Variants in FBXL17 observed in about 807,000 individuals in gnomAD.
FBXL17 encodes the protein F-box/LRR-repeat protein 17.
Under a neutral mutation model 66.2 loss-of-function variants are expected in FBXL17, and 22 were observed. That is an observed-to-expected ratio of 0.33 (90% CI 0.24 to 0.47). The LOEUF (loss-of-function observed/expected upper bound fraction) is 0.47, where lower values mean the gene tolerates loss of function less well. FBXL17 is among the 20% of genes least tolerant of loss of function. The pLI, the probability that FBXL17 is intolerant of heterozygous loss-of-function variation, is 1.00. For synonymous variants in FBXL17, 474 were observed against 400.5 expected, an observed-to-expected ratio of 1.18 and a Z score of -2.19; for missense variants, 878 against 948.2, an observed-to-expected ratio of 0.93 and a Z score of 0.97.
chr5:108,242,847 T>C (rs1028153193), intron 4 of FBXL17, among the ~76,000 whole-genome samples: 21 of 152,178 alleles, frequency 1.4e-4, no homozygotes, highest in African/African-American at 5.1e-4. Context: ...AAAATGTTCA[T>C]GTGAAACTTA....
intron 5 of FBXL17, among the ~76,000 whole-genome samples, chr5:108,210,841 G>A (rs1292584225): frequency 6.6e-6 from 1 of 152,166 alleles, no homozygotes; most frequent in Non-Finnish European, 1.5e-5. Flanking sequence ...TTGGTCCAGA[G>A]CTGAGTTCAA....
intron 4 of FBXL17, among the ~76,000 whole-genome samples, chr5:108,273,566 C>G (rs551318540): frequency 6.6e-6 from 1 of 151,394 alleles, no homozygotes; most frequent in South Asian, 2.1e-4. Context: ...AAAATTTGTA[C>G]AATATTTCCA....
At chr5:108,184,181 G>A (rs2150029859) in intron 6 of FBXL17, among the ~76,000 whole-genome samples, 1 of 152,304 alleles carries the variant, frequency 6.6e-6, no homozygotes, top group South Asian at 2.1e-4. Context: ...AGCACTTTGG[G>A]AGATCGAGGC....
chr5:108,380,722 G>C lies in FBXL17; in HGVS notation c.970C>G (p.Leu324Val). ...ACCTTGAGCAGGATGGACGGCGGCAGCTGGTTGATGTCTGGGGTTTCGGGG... is the reference window on the plus strand; with the variant it reads ...ACCTTGAGCAGGATGGACGGCGGCACCTGGTTGATGTCTGGGGTTTCGGGG... ...PPPETPDINQ[L>V]PPSILLKIFS... Residue 324 changes from leucine (L) to valine (V), a missense_variant, in exon 1 of 9, where the codon CTG becomes GTG. Leu to Val is a conservative substitution (Grantham distance 32). Coordinates refer to ENST00000542267, the MANE Select transcript of FBXL17 (RefSeq NM_001163315.3). 2.4e-6 allele frequency: 3 copies of C among 1,249,852 alleles called. No homozygotes were observed. The highest frequency in any genetic ancestry group is 3.0e-6 in the Non-Finnish European group (3 of 989,396). The allele number at this position is 1,249,852 out of a possible 1,614,324, so 77.4% of individuals were successfully genotyped here. A position where few individuals can be genotyped will look rare whatever the true frequency, so the allele number is the denominator to read the frequency against.
intron 6 of FBXL17, among the ~76,000 whole-genome samples, chr5:108,057,699 C>G (rs1011011469): frequency 6.6e-6 from 1 of 152,180 alleles, no homozygotes; most frequent in African/African-American, 2.4e-5. Context: ...ACAAGAGGCT[C>G]TGTACTTTTT....
At chr5:107,879,242 G>C (rs1238303732) in intron 8 of FBXL17, 2 of 984,912 alleles carry the variant, frequency 2.0e-6, no homozygotes, top group African/African-American at 3.5e-5. Context: ...ACATATGTAT[G>C]AATGTGTACA....
chr5:108,283,869 T>C (rs543697850), intron 4 of FBXL17, among the ~76,000 whole-genome samples: 62 of 151,620 alleles, frequency 4.1e-4, no homozygotes, highest in African/African-American at 1.3e-3. Flanking sequence ...ATTTAAAAGA[T>C]AGCAAAAGAA....
At chr5:108,119,498 C>T (rs962049086) in intron 6 of FBXL17, among the ~76,000 whole-genome samples, 1 of 152,150 alleles carries the variant, frequency 6.6e-6, no homozygotes, top group African/African-American at 2.4e-5. Context: ...CCATTGTTAA[C>T]AGAAAATCAG....
At chr5:108,144,832 T>C (rs1751495085) in intron 6 of FBXL17, among the ~76,000 whole-genome samples, 1 of 152,112 alleles carries the variant, frequency 6.6e-6, no homozygotes, top group South Asian at 2.1e-4. Context: ...ACCAGTAAAA[T>C]AGAGCTCATG....
chr5:108,379,437 T>A (rs902520593), intron 1 of FBXL17, among the ~76,000 whole-genome samples: 3 of 152,216 alleles, frequency 2.0e-5, no homozygotes, highest in Non-Finnish European at 4.4e-5. Flanking sequence ...ATTAGATCAT[T>A]ACATTTTGAC....
chr5:108,025,392 A>G (rs929852632), intron 6 of FBXL17, among the ~76,000 whole-genome samples: 14 of 152,172 alleles, frequency 9.2e-5, no homozygotes, highest in African/African-American at 3.4e-4. Context: ...CTTTAAGTGA[A>G]ACACAAATGC....
intron 4 of FBXL17, among the ~76,000 whole-genome samples, chr5:108,272,072 C>CGAGGTCAT (rs900975148): frequency 1.3e-5 from 2 of 152,066 alleles, no homozygotes; most frequent in African/African-American, 4.8e-5. Flanking sequence ...GGGAGGATCA[C>CGAGGTCAT]GAGGTCATGA....
chr5:107,934,928 C>T (rs1167920147), intron 7 of FBXL17, among the ~76,000 whole-genome samples: 1 of 152,088 alleles, frequency 6.6e-6, no homozygotes, highest in African/African-American at 2.4e-5. Context: ...ACACAGTATT[C>T]TTTTGACTGG....
At chr5:108,206,096 T>C (rs1272253694) in intron 5 of FBXL17, among the ~76,000 whole-genome samples, 1 of 152,130 alleles carries the variant, frequency 6.6e-6, no homozygotes, top group African/African-American at 2.4e-5. Context: ...ATATAATCGC[T>C]TTTGCTTTCA....
intron 3 of FBXL17, among the ~76,000 whole-genome samples, chr5:108,356,237 G>A (rs544442137): frequency 6.6e-6 from 1 of 152,108 alleles, no homozygotes; most frequent in South Asian, 2.1e-4. Flanking sequence ...AATATGTGAA[G>A]TAAAAAATGA....
At chr5:108,180,097 G>T (rs1054496341) in intron 6 of FBXL17, among the ~76,000 whole-genome samples, 2 of 152,112 alleles carry the variant, frequency 1.3e-5, no homozygotes, top group African/African-American at 2.4e-5. Context: ...TAAAGTGCTG[G>T]CAACTAATTC....
At chr5:108,125,900 T>C (rs1358595905) in intron 6 of FBXL17, among the ~76,000 whole-genome samples, 1 of 152,164 alleles carries the variant, frequency 6.6e-6, no homozygotes, top group East Asian at 1.9e-4. Flanking sequence ...CCTTCTATTT[T>C]CCTGATAAAG....
At chr5:108,378,378 C>T (rs1378755878) in intron 1 of FBXL17, among the ~76,000 whole-genome samples, 2 of 152,038 alleles carry the variant, frequency 1.3e-5, no homozygotes, top group African/African-American at 4.8e-5. Context: ...ATAGTAACTT[C>T]CTAGCATAAA....
At chr5:107,967,728 G>A (rs1174873679) in intron 7 of FBXL17, among the ~76,000 whole-genome samples, 1 of 151,662 alleles carries the variant, frequency 6.6e-6, no homozygotes, top group East Asian at 1.9e-4. Flanking sequence ...ATTTTACCTA[G>A]TATGCATCCC....
Sources: allele counts gnomAD v4.1 joint callset (sites outside exome capture counted in the v4.1 genomes callset), GRCh38; gene constraint gnomAD v4.1.1; transcripts MANE v1.5; gene names NCBI Gene and HGNC (gene_info 2026-07-23, HGNC 2026-07-21).